Variants in TRIM59 observed in about 807,000 individuals in gnomAD.
The protein encoded by TRIM59 is tripartite motif-containing protein 59.
A neutral mutation model predicts 32.2 loss-of-function variants in TRIM59; 14 were observed. The ratio of observed to expected loss-of-function variants is 0.43; its 90% CI spans 0.29 to 0.68. The LOEUF is 0.68. Ranked by LOEUF, TRIM59 falls within the 30% of genes least tolerant of loss-of-function variation. The pLI is 0.15. For synonymous variants in TRIM59, 163 were observed against 155.1 expected, an observed-to-expected ratio of 1.05 and a Z score of -0.38; for missense variants, 471 against 463.3, an observed-to-expected ratio of 1.02 and a Z score of -0.15.
Position 160,437,423 on chromosome 3 carries a change from TG to T in TRIM59, c.*548del, listed in dbSNP as rs1289084280. 1 of 985,334 alleles carries T rather than the reference TG, an allele frequency of 1.0e-6. No homozygotes were observed. Among genetic ancestry groups the T allele is most frequent in the Non-Finnish European group, 1.2e-6 (1 of 829,940 alleles). The allele number at this position is 985,334 out of a possible 1,614,324, so 61.0% of individuals were successfully genotyped here. A position where few individuals can be genotyped will look rare whatever the true frequency, so the allele number is the denominator to read the frequency against. On this transcript the variant is annotated 3_prime_UTR_variant, in exon 3 of 3. Coordinates refer to ENST00000309784, the MANE Select transcript of TRIM59 (RefSeq NM_173084.3). Reference sequence around the variant, plus strand: ...AAGCAATAGTTTTATTTGGAGTGAATGGTGATAAGCATTTAGGGCTCTTAAA... The same window carrying T: ...AAGCAATAGTTTTATTTGGAGTGAATGTGATAAGCATTTAGGGCTCTTAAA...
Position 160,437,622 on chromosome 3 carries a change from T to A in TRIM59, c.*350A>T. On this transcript the variant is annotated 3_prime_UTR_variant, in exon 3 of 3. Coordinates refer to ENST00000309784, the MANE Select transcript of TRIM59 (RefSeq NM_173084.3). The stretch of plus-strand genomic sequence containing the variant: ...TTCTTTCAGGATTTTGCTATATATA[T>A]AAAGAACTGTAAAGCCAATTAACTG... 3 of 991,012 alleles carry A rather than the reference T, an allele frequency of 3.0e-6. No individual in the cohort carries two copies. Among genetic ancestry groups the A allele is most frequent in the Non-Finnish European group, 3.6e-6 (3 of 833,092 alleles). The allele number at this position is 991,012 out of a possible 1,614,324, so 61.4% of individuals were successfully genotyped here. A position where few individuals can be genotyped will look rare whatever the true frequency, so the allele number is the denominator to read the frequency against.
chr3:160,437,885 G>C lies in TRIM59; in HGVS notation c.*87C>G. ...TTATATTAGTTGCAGCACTAATAAA[G>C]CTTAGTTTGCTCTTTATCCATGCTA... On this transcript the variant is annotated 3_prime_UTR_variant, in exon 3 of 3. Transcript: ENST00000309784. The C allele has an allele frequency of 7.1e-7, 1 of 1,401,448 alleles. No individual in the cohort carries two copies. The highest frequency in any genetic ancestry group is 9.3e-7 in the Non-Finnish European group (1 of 1,077,134). The allele number at this position is 1,401,448 out of a possible 1,614,324, so 86.8% of individuals were successfully genotyped here.
In TRIM59 at chr3:160,435,832, G is replaced by T; in HGVS notation, c.*2140C>A. On this transcript the variant is annotated 3_prime_UTR_variant, in exon 3 of 3. Transcript: ENST00000309784. ...AGTGATAGCATGAACTCTGAAAAGA[G>T]AATGCATGGGTTTTCTCACAGCTAT... 2 of 653,590 alleles carry T rather than the reference G, an allele frequency of 3.1e-6. No homozygotes were observed. Among genetic ancestry groups the T allele is most frequent in the Non-Finnish European group, 4.9e-6 (2 of 410,116 alleles). The allele number at this position is 653,590 out of a possible 1,614,324, so 40.5% of individuals were successfully genotyped here.
At chr3:160,444,688 G>C (rs1719432788) in intron 2 of TRIM59, among the ~76,000 whole-genome samples, 1 of 152,236 alleles carries the variant, frequency 6.6e-6, no homozygotes, top group Non-Finnish European at 1.5e-5. Context: ...AGTTTGGCAG[G>C]TTGCTGCCTC....
rs1246888068 is a variant in TRIM59, at chr3:160,436,911, G to A, written c.*1061C>T. The A allele has an allele frequency of 8.1e-6, 8 of 984,626 alleles. No individual in the cohort carries two copies. The highest frequency in any genetic ancestry group is 9.6e-6 in the Non-Finnish European group (8 of 829,832). 61.0% of individuals were successfully genotyped at this position (984,626 alleles called of 1,614,324 possible). On this transcript the variant is annotated 3_prime_UTR_variant, in exon 3 of 3. Coordinates refer to ENST00000309784, the MANE Select transcript of TRIM59 (RefSeq NM_173084.3). ...TTAAGATGAATAAAGTCCACATGAT[G>A]CCATCAAAACCTGTTGCAGACCAAG...
At chr3:160,442,929 G>T (rs1719328792) in intron 2 of TRIM59, among the ~76,000 whole-genome samples, 1 of 152,086 alleles carries the variant, frequency 6.6e-6, no homozygotes, top group African/African-American at 2.4e-5. Context: ...ACCAACCTGG[G>T]CAACACCAAG....
Position 160,437,629 on chromosome 3 carries a change from C to A in TRIM59, c.*343G>T, listed in dbSNP as rs1019411347. 1.2e-5 allele frequency: 12 copies of A among 995,040 alleles called. No individual in the cohort carries two copies. Among genetic ancestry groups the A allele is most frequent in the Non-Finnish European group, 1.4e-5 (12 of 836,222 alleles). The allele number at this position is 995,040 out of a possible 1,614,324, so 61.6% of individuals were successfully genotyped here. On this transcript the variant is annotated 3_prime_UTR_variant, in exon 3 of 3. Coordinates refer to ENST00000309784, the MANE Select transcript of TRIM59 (RefSeq NM_173084.3). ...AGGATTTTGCTATATATATAAAGAA[C>A]TGTAAAGCCAATTAACTGCAGTATA... is the stretch of plus-strand genomic sequence containing the variant.
chr3:160,439,106 A>G lies in TRIM59; in HGVS notation c.78T>C (p.Ser26=), dbSNP rs900135986. The G allele has an allele frequency of 6.5e-7, 1 of 1,534,536 alleles. No individual in the cohort carries two copies. Among genetic ancestry groups the G allele is most frequent in the Admixed American group, 2.1e-5 (1 of 47,684 alleles). ...CCAAACAATTTCTACAAAATGTATG[A>G]GAGCATGGCAGTACACGAGGATCTT... ...IFEDPRVLPC[S]HTFCRNCLEN... Residue 26 remains serine, a synonymous_variant, in exon 3 of 3, where the codon TCT becomes TCC. Transcript: ENST00000309784.
In TRIM59 at chr3:160,437,575, C is replaced by T; in HGVS notation, c.*397G>A. 1 of 986,838 alleles carries T rather than the reference C, an allele frequency of 1.0e-6. No individual in the cohort carries two copies. The highest frequency in any genetic ancestry group is 1.2e-6 in the Non-Finnish European group (1 of 831,124). The allele number at this position is 986,838 out of a possible 1,614,324, so 61.1% of individuals were successfully genotyped here. On this transcript the variant is annotated 3_prime_UTR_variant, in exon 3 of 3. Coordinates refer to ENST00000309784, the MANE Select transcript of TRIM59 (RefSeq NM_173084.3). The stretch of plus-strand genomic sequence containing the variant: ...ATTCACCCATTCAAAAGCTTCAAGC[C>T]ACATCAAAATAAAGGTATATGTTCT...
chr3:160,448,849 TAAA>T (rs1357036275), intron 1 of TRIM59, 54 bp from the exon 2 acceptor site: 9 of 994,522 alleles, frequency 9.0e-6, no homozygotes, highest in Non-Finnish European at 1.2e-5. Context: ...TCTCATGTCA[TAAA>T]AATGGTTGTT....
rs1719048352 is a variant in TRIM59 at position 160,437,658 on chromosome 3, TAATG to T, written c.*310_*313del. The T allele has an allele frequency of 5.9e-6, 6 of 1,017,462 alleles. No homozygotes were observed. The highest frequency in any genetic ancestry group is 4.7e-6 in the Non-Finnish European group (4 of 851,112). The allele number at this position is 1,017,462 out of a possible 1,614,324, so 63.0% of individuals were successfully genotyped here. On this transcript the variant is annotated 3_prime_UTR_variant, in exon 3 of 3. Coordinates refer to ENST00000309784, the MANE Select transcript of TRIM59 (RefSeq NM_173084.3). ...AAAGCCAATTAACTGCAGTATATAA[TAATG>T]GTAAAAGACAATATTGGTACAAGAA...
Position 160,438,992 on chromosome 3 carries a change from T to C in TRIM59, c.192A>G (p.Glu64=). The C allele has an allele frequency of 2.5e-6, 4 of 1,613,982 alleles. No individual in the cohort carries two copies. The South Asian group carries it at 4.4e-5, about 18-fold the overall frequency. The change falls in exon 3 of 3, where the codon GAA becomes GAG. Residue 64 remains glutamate, a synonymous_variant. Coordinates refer to ENST00000309784, the MANE Select transcript of TRIM59 (RefSeq NM_173084.3). The part of the protein sequence containing the change: ...LKCPNCRSIT[E]IAPTGIESLP... ...AAGATTCAATGCCAGTTGGAGCAAT[T>C]TCAGTAATACTTCTGCAATTAGGGC...
In TRIM59 at chr3:160,449,774, C is replaced by T; in HGVS notation, c.-131G>A. 7.9e-7 allele frequency: 1 copy of T among 1,272,618 alleles called. No individual in the cohort carries two copies. The highest frequency in any genetic ancestry group is 5.6e-5 in the East Asian group (1 of 17,944). The allele number at this position is 1,272,618 out of a possible 1,614,324, so 78.8% of individuals were successfully genotyped here. A position where few individuals can be genotyped will look rare whatever the true frequency, so the allele number is the denominator to read the frequency against. ...GCACGGAAACACAGCGCCACGAGCT[C>T]CAGGCGGATGCTGAGAGCCGCCCCG... is the stretch of plus-strand genomic sequence containing the variant. On this transcript the variant is annotated 5_prime_UTR_variant, in exon 1 of 3. Transcript: ENST00000309784.
intron 2 of TRIM59, 33 bp downstream of exon 2, chr3:160,448,693 T>C: frequency 8.3e-7 from 1 of 1,197,860 alleles, no homozygotes; most frequent in South Asian, 1.3e-5. Flanking sequence ...CTTAATTGTT[T>C]TTCATATTTA....
At position 160,437,309 on chromosome 3, in the gene TRIM59, A is replaced by G. The variant is rs1719031948; in HGVS notation, c.*663T>C. 23 of 927,492 alleles carry G rather than the reference A, an allele frequency of 2.5e-5. No homozygotes were observed. Among genetic ancestry groups the G allele is most frequent in the Non-Finnish European group, 3.0e-5 (23 of 777,448 alleles). 57.5% of individuals were successfully genotyped at this position (927,492 alleles called of 1,614,324 possible). ...GTCGAAACTGCAGTGAGTCATGACC[A>G]GACAACTACACTCCAGCCTGGGCAA... is the stretch of plus-strand genomic sequence containing the variant. On this transcript the variant is annotated 3_prime_UTR_variant, in exon 3 of 3. Coordinates refer to ENST00000309784, the MANE Select transcript of TRIM59 (RefSeq NM_173084.3).
At position 160,437,000 on chromosome 3, in the gene TRIM59, A is replaced by G; in HGVS notation, c.*972T>C. On this transcript the variant is annotated 3_prime_UTR_variant, in exon 3 of 3. Coordinates refer to ENST00000309784, the MANE Select transcript of TRIM59 (RefSeq NM_173084.3). ...AATCCAAGAACTGATTTGACTGACG[A>G]GCAGAAAAAAAAACAATCTTAAATT... is the stretch of plus-strand genomic sequence containing the variant. The G allele has an allele frequency of 1.0e-6, 1 of 985,090 alleles. No homozygotes were observed. Among genetic ancestry groups the G allele is most frequent in the Non-Finnish European group, 1.2e-6 (1 of 829,882 alleles). 61.0% of individuals were successfully genotyped at this position (985,090 alleles called of 1,614,324 possible).
chr3:160,447,206 A>G (rs1719584007), intron 2 of TRIM59, among the ~76,000 whole-genome samples: 2 of 152,246 alleles, frequency 1.3e-5, no homozygotes, highest in South Asian at 4.1e-4. Context: ...TCCTTTTGCT[A>G]AATGAATTTG....
In TRIM59 at chr3:160,438,252, C is replaced by G. The variant is rs150861111; in HGVS notation, c.932G>C (p.Arg311Thr). ...CTTACCAGGCCAGGAACATGACATC[C>G]TTTTTGGAGAAATTTTCATTTTGGG... ...LIPKMKISPK[R>T]MSCSWPGKDE... Residue 311 changes from arginine (R) to threonine (T), a missense_variant, in exon 3 of 3, where the codon AGG becomes ACG. Arg to Thr is a moderately conservative substitution (Grantham distance 71). Transcript: ENST00000309784. 1.1e-4 allele frequency: 183 copies of G among 1,613,790 alleles called. No individual in the cohort carries two copies. The African/African-American group carries it at 2.3e-3, about 20-fold the overall frequency.
chr3:160,438,582 T>C lies in TRIM59; in HGVS notation c.602A>G (p.Lys201Arg). ...ATCACAGAGAGCCGTTAGGAAACTT[T>C]TTTTTTTCTGTTCTAATGTATCATT... ...ELNDTLEQKK[K>R]SFLTALCDVG... Residue 201 changes from lysine to arginine, a missense_variant, in exon 3 of 3, where the codon AAA becomes AGA. Lys to Arg is a conservative substitution (Grantham distance 26, BLOSUM62 2). Coordinates refer to ENST00000309784, the MANE Select transcript of TRIM59 (RefSeq NM_173084.3). The C allele has an allele frequency of 6.2e-7, 1 of 1,611,646 alleles. No homozygotes were observed.
Sources: gnomAD v4.1 joint callset for allele counts (sites outside exome capture counted in the v4.1 genomes callset) on GRCh38, gnomAD v4.1.1 for gene constraint, MANE v1.5 for transcripts, NCBI Gene and HGNC (gene_info 2026-07-23, HGNC 2026-07-21) for gene names.